The following CSMD3 variants were observed in gnomAD, a reference collection of about 807,000 sequenced individuals.
CSMD3 encodes CUB and Sushi multiple domains 3.
CSMD3 carries 177 observed loss-of-function variants against 435.2 expected under a neutral mutation model. The observed-to-expected ratio is 0.41, with a 90% confidence interval of 0.36 to 0.46. CSMD3 has a LOEUF of 0.46. Ranked by LOEUF, CSMD3 falls within the 20% of genes least tolerant of loss-of-function variation. CSMD3 has a pLI of 0.34. For synonymous variants in CSMD3, 1,656 were observed against 1,520.5 expected (o/e 1.09, Z -2.07); for missense variants, 4,265 against 4,504.6 (o/e 0.95, Z 1.52).
rs73702254 is a variant in CSMD3 at position 112,904,885 on chromosome 8, G to T, written c.1633+16742C>A. ...GGAAAAAGCCACCTGCCTCTCTAAA[G>T]TAGACACTGATGTTGATGTAATTTG... is the stretch of plus-strand genomic sequence containing the variant. On this transcript the variant is annotated intron_variant, in intron 10 of 70. Transcript: ENST00000297405. 8.6e-3 allele frequency among the ~76,000 whole-genome samples: 1,303 copies of T among 151,552 alleles called. 24 individuals are homozygous for T. The highest frequency in any genetic ancestry group is 0.03 in the African/African-American group (1,244 of 41,458).
chr8:112,519,426 T>A (rs1437556587), intron 27 of CSMD3, among the ~76,000 whole-genome samples: 2 of 152,170 alleles, frequency 1.3e-5, no homozygotes, highest in Non-Finnish European at 2.9e-5. Context: ...AAATTGTCAA[T>A]AAAAGATTAC....
intron 4 of CSMD3, among the ~76,000 whole-genome samples, chr8:113,130,268 G>C (rs1588126762): frequency 6.6e-6 from 1 of 152,238 alleles, no homozygotes; most frequent in Admixed American, 6.5e-5. Context: ...AGGATAGAGA[G>C]TGATATGGTT....
chr8:113,248,494 T>TAC (rs199844590), intron 3 of CSMD3, among the ~76,000 whole-genome samples: 2 of 140,416 alleles, frequency 1.4e-5, no homozygotes, highest in African/African-American at 2.6e-5. Flanking sequence ...TACATATATA[T>TAC]ACACACACAC....
intron 7 of CSMD3, among the ~76,000 whole-genome samples, chr8:112,971,282 A>G (rs1400857450): frequency 6.6e-6 from 1 of 152,168 alleles, no homozygotes; most frequent in Middle Eastern, 3.2e-3. Context: ...ATATTTTGTG[A>G]ATAAAATGAA....
intron 14 of CSMD3, among the ~76,000 whole-genome samples, chr8:112,686,458 A>C (rs1184954600): frequency 6.6e-6 from 1 of 151,830 alleles, no homozygotes; most frequent in Non-Finnish European, 1.5e-5. Context: ...TTAAGTATTG[A>C]TATATTATCT....
rs148114786 is a variant in CSMD3, at chr8:112,563,351, T to C, written c.4043-6397A>G. On this transcript the variant is annotated intron_variant, in intron 24 of 70. Transcript: ENST00000297405. The stretch of plus-strand genomic sequence containing the variant: ...TAAGAATTTAAGCAAAAAAAGCTTG[T>C]GGAAATTATTACTATGCATTTCCAA... Among the ~76,000 whole-genome samples the C allele has an allele frequency of 5.1e-4, 77 of 151,910 alleles. 2 individuals carry two copies. Among genetic ancestry groups the C allele is most frequent in the Admixed American group, 4.7e-3 (72 of 15,186 alleles).
At chr8:112,843,788 A>G (rs1297301821) in intron 11 of CSMD3, among the ~76,000 whole-genome samples, 2 of 151,966 alleles carry the variant, frequency 1.3e-5, no homozygotes, top group African/African-American at 4.8e-5. Flanking sequence ...AGATTTTCCA[A>G]AAAGGAATAT....
At chr8:112,494,732 T>C (rs1239569643) in intron 30 of CSMD3, among the ~76,000 whole-genome samples, 1 of 152,040 alleles carries the variant, frequency 6.6e-6, no homozygotes, top group Non-Finnish European at 1.5e-5. Flanking sequence ...TGGCATGCTG[T>C]ATAAAGAGAA....
chr8:113,269,383 C>T (rs548863853), intron 3 of CSMD3, among the ~76,000 whole-genome samples: 142 of 152,100 alleles, frequency 9.3e-4, no homozygotes, highest in Non-Finnish European at 1.4e-3. Context: ...GGCCATACTG[C>T]CCAAGGTAAT....
At chr8:112,898,272 A>C (rs2082008018) in intron 10 of CSMD3, among the ~76,000 whole-genome samples, 1 of 151,154 alleles carries the variant, frequency 6.6e-6, no homozygotes, top group South Asian at 2.1e-4. Context: ...TTATGCCTGA[A>C]TAATTCAGTT....
At chr8:112,550,154 C>T (rs1163841428) in intron 27 of CSMD3, among the ~76,000 whole-genome samples, 2 of 152,000 alleles carry the variant, frequency 1.3e-5, no homozygotes, top group East Asian at 1.9e-4. Context: ...ACAAGGAATG[C>T]TATTTCATTG....
At chr8:112,811,704 T>C (rs2079233350) in intron 12 of CSMD3, among the ~76,000 whole-genome samples, 1 of 152,232 alleles carries the variant, frequency 6.6e-6, no homozygotes, top group Admixed American at 6.5e-5. Flanking sequence ...CTGATGCAGA[T>C]CACAATCTGG....
At chr8:112,464,187 G>A (rs1371857687) in intron 32 of CSMD3, among the ~76,000 whole-genome samples, 3 of 149,202 alleles carry the variant, frequency 2.0e-5, no homozygotes, top group African/African-American at 5.0e-5. Context: ...GCAGTGAGCC[G>A]AGATCTTGCC....
intron 60 of CSMD3, 63 bp from the exon 61 acceptor site, chr8:112,263,875 A>T (rs1260695408): frequency 1.4e-5 from 20 of 1,381,978 alleles, no homozygotes; most frequent in Non-Finnish European, 2.1e-5. Flanking sequence ...TAAAGATATA[A>T]ATAAATATCA....
intron 2 of CSMD3, among the ~76,000 whole-genome samples, chr8:113,298,319 G>GT (rs1033843397): frequency 2.0e-5 from 3 of 151,572 alleles, no homozygotes; most frequent in Non-Finnish European, 4.4e-5. Flanking sequence ...CCTAAATAAG[G>GT]TTTTTTTTCT....
At chr8:112,579,791 A>T (rs918010365) in intron 23 of CSMD3, among the ~76,000 whole-genome samples, 1 of 152,048 alleles carries the variant, frequency 6.6e-6, no homozygotes, top group African/African-American at 2.4e-5. Context: ...AATGTTATTA[A>T]TCAAGTCCTT....
intron 7 of CSMD3, among the ~76,000 whole-genome samples, chr8:112,967,204 C>G (rs1188256471): frequency 3.3e-5 from 5 of 151,802 alleles, no homozygotes; most frequent in Admixed American, 2.0e-4. Context: ...ACTTGCATTT[C>G]TGTATCTTAT....
chr8:113,373,608 A>G (rs1367999765), intron 1 of CSMD3, among the ~76,000 whole-genome samples: 1 of 152,056 alleles, frequency 6.6e-6, no homozygotes, highest in Non-Finnish European at 1.5e-5. Context: ...CTTTACTGGT[A>G]TTTTGAAATT....
intron 66 of CSMD3, among the ~76,000 whole-genome samples, chr8:112,241,460 T>C (rs1339509513): frequency 1.3e-5 from 2 of 152,076 alleles, no homozygotes; most frequent in Non-Finnish European, 2.9e-5. Context: ...ATTGCCATTA[T>C]GCTATAGTCA....
Sources: gnomAD v4.1 joint callset for allele counts (sites outside exome capture counted in the v4.1 genomes callset) on GRCh38, gnomAD v4.1.1 for gene constraint, MANE v1.5 for transcripts, NCBI Gene and HGNC (gene_info 2026-07-23, HGNC 2026-07-21) for gene names.